The following H2AZ2 variants were observed in gnomAD, a reference collection of about 807,000 sequenced individuals.
The protein encoded by H2AZ2 is histone H2A.V.
In H2AZ2, 5 loss-of-function variants were observed where a neutral mutation model predicts 15.5. That is an observed-to-expected ratio of 0.32 (90% CI 0.17 to 0.68). The LOEUF (loss-of-function observed/expected upper bound fraction) is 0.68, where lower values mean the gene tolerates loss of function less well. Among genes scored for constraint, H2AZ2 ranks in the 30% least tolerant of loss-of-function variants. The probability of loss-of-function intolerance (pLI) is 0.72; values close to 1 mark genes in which losing one functional copy is unlikely to be tolerated. For missense variants in H2AZ2, 42 were observed against 162.5 expected, an observed-to-expected ratio of 0.26 and a Z score of 4.03; for synonymous variants, 44 against 57.4, an observed-to-expected ratio of 0.77 and a Z score of 1.05.
downstream of H2AZ2, among the ~76,000 whole-genome samples, chr7:44,831,534 C>A (rs917619542): frequency 6.6e-6 from 1 of 151,772 alleles, no homozygotes; most frequent in Non-Finnish European, 1.5e-5. Context: ...TTGCACTCCC[C>A]CCCCCGCTTC....
At chr7:44,843,170 A>AAAAAAAAAAAAAAAAAAAAC (rs1793316957) in intron 2 of H2AZ2, 107 bp downstream of exon 2, 1 of 271,980 alleles carries the variant, frequency 3.7e-6, no homozygotes, top group East Asian at 5.6e-5. Flanking sequence ...AAAAAAAAAA[A>AAAAAAAAAAAAAAAAAAAAC]AAAAAGTCTG....
Position 44,833,770 on chromosome 7 carries a change from A to G in H2AZ2, c.*731T>C, listed in dbSNP as rs1308115798. ...TTGAATCCTAGCTCTGTCATTTTCT[A>G]TCTACCAGTTCAATGTTTTTTGGCA... is the stretch of plus-strand genomic sequence containing the variant. On this transcript the variant is annotated 3_prime_UTR_variant, in exon 5 of 5. Coordinates refer to ENST00000308153, the MANE Select transcript of H2AZ2 (RefSeq NM_012412.5). 2.8e-5 allele frequency: 24 copies of G among 844,528 alleles called. No individual in the cohort carries two copies. The highest frequency in any genetic ancestry group is 6.2e-5 in the Admixed American group (1 of 16,098). The allele number at this position is 844,528 out of a possible 1,614,324, so 52.3% of individuals were successfully genotyped here.
At chr7:44,845,159 C>A (rs1455871390) in intron 1 of H2AZ2, among the ~76,000 whole-genome samples, 1 of 152,028 alleles carries the variant, frequency 6.6e-6, no homozygotes, top group Non-Finnish European at 1.5e-5. Context: ...CCTCTAATTG[C>A]ACGTCTAAGT....
chr7:44,837,349 G>A (rs903644237), intron 3 of H2AZ2, among the ~76,000 whole-genome samples: 2 of 144,218 alleles, frequency 1.4e-5, no homozygotes, highest in Non-Finnish European at 3.0e-5. Flanking sequence ...GTTGAACCCA[G>A]GAGGTGGAGG....
downstream of H2AZ2, chr7:44,828,148 T>C (rs543486671): frequency 7.9e-5 from 12 of 152,330 alleles, no homozygotes; most frequent in Middle Eastern, 3.4e-3. Flanking sequence ...ACAATACATA[T>C]GGCTGTGTCT....
At chr7:44,844,117 A>G (rs896076472) in intron 1 of H2AZ2, among the ~76,000 whole-genome samples, 8 of 152,086 alleles carry the variant, frequency 5.3e-5, no homozygotes, top group Admixed American at 5.2e-4. Context: ...CTAGGTATAC[A>G]CCTAAAAATT....
In H2AZ2 at chr7:44,832,273, T is replaced by TAC. The variant is rs946187841; in HGVS notation, c.*2226_*2227dup. Among the ~76,000 whole-genome samples the TAC allele has an allele frequency of 2.0e-5, 3 of 152,206 alleles. No homozygotes were observed. The highest frequency in any genetic ancestry group is 7.2e-5 in the African/African-American group (3 of 41,454). ...GCATCAAAAAATGTTTTAGCAGTCT[T>TAC]ACACAATGGTATTGTGGTTATGTTC... On this transcript the variant is annotated 3_prime_UTR_variant, in exon 5 of 5. Transcript: ENST00000308153.
At chr7:44,846,024 T>TACACACAC (rs10573522) in intron 1 of H2AZ2, among the ~76,000 whole-genome samples, 9,342 of 132,238 alleles carry the variant, frequency 0.071, 450 homozygotes, top group Non-Finnish European at 0.1. Flanking sequence ...TTTAAAAAAT[T>TACACACAC]ACACACACAC....
At chr7:44,840,497 G>A (rs551453287) in intron 3 of H2AZ2, among the ~76,000 whole-genome samples, 3 of 152,302 alleles carry the variant, frequency 2.0e-5, no homozygotes, top group Admixed American at 6.5e-5. Context: ...GAGGCCGGAC[G>A]TGGTGGCTCA....
intron 3 of H2AZ2, among the ~76,000 whole-genome samples, chr7:44,839,477 C>T (rs1163870954): frequency 1.3e-5 from 2 of 150,850 alleles, no homozygotes; most frequent in Admixed American, 1.3e-4. Flanking sequence ...GAGATCGAGA[C>T]CATCCTGGCT....
At chr7:44,839,726 A>G (rs1320149450) in intron 3 of H2AZ2, among the ~76,000 whole-genome samples, 1 of 149,500 alleles carries the variant, frequency 6.7e-6, no homozygotes, top group Non-Finnish European at 1.5e-5. Flanking sequence ...ATTAGCACCC[A>G]GCGCAGTGGC....
chr7:44,838,894 T>C (rs1310784514), intron 3 of H2AZ2, among the ~76,000 whole-genome samples: 1 of 152,178 alleles, frequency 6.6e-6, no homozygotes, highest in Non-Finnish European at 1.5e-5. Flanking sequence ...TCCACCAGAA[T>C]GAATGCGTCT....
intron 1 of H2AZ2, among the ~76,000 whole-genome samples, chr7:44,846,062 C>CACACACACACACAGAGAGAGAGAGAG (rs57468916): frequency 4.0e-5 from 3 of 75,056 alleles, no homozygotes; most frequent in Non-Finnish European, 9.5e-5. Flanking sequence ...CACACACACA[C>CACACACACACACAGAGAGAGAGAGAG]AGAGAGAGAC....
chr7:44,833,478 A>C lies in H2AZ2; in HGVS notation c.*1023T>G, dbSNP rs1583710122. 6.6e-6 allele frequency: 1 copy of C among 152,532 alleles called. No homozygotes were observed. The highest frequency in any genetic ancestry group is 1.5e-5 in the Non-Finnish European group (1 of 68,606). 9.4% of individuals were successfully genotyped at this position (152,532 alleles called of 1,614,324 possible). A position where few individuals can be genotyped will look rare whatever the true frequency, so the allele number is the denominator to read the frequency against. ...TCTCGATTTCCTGACCTCGTGATTC[A>C]CCCACCTTGGCCTCCCAAAGTGCTG... On this transcript the variant is annotated 3_prime_UTR_variant, in exon 5 of 5. Transcript: ENST00000308153.
chr7:44,835,717 T>A, intron 3 of H2AZ2, 59 bp from the exon 4 acceptor site: 2 of 1,459,836 alleles, frequency 1.4e-6, no homozygotes, highest in Non-Finnish European at 1.8e-6. Flanking sequence ...AAATGAAGGA[T>A]CACTTAGCAT....
chr7:44,837,338 G>A (rs1000414261), intron 3 of H2AZ2, among the ~76,000 whole-genome samples: 14 of 147,090 alleles, frequency 9.5e-5, no homozygotes, highest in African/African-American at 3.0e-4. Flanking sequence ...CAGGAGAATC[G>A]GTTGAACCCA....
At chr7:44,827,052 A>C (rs1041020828), downstream of H2AZ2, 1 of 152,230 alleles carries the variant, frequency 6.6e-6, no homozygotes, top group African/African-American at 2.4e-5. Flanking sequence ...GACTACCATT[A>C]TTCAAATTTA....
At chr7:44,842,540 A>G (rs953122822) in intron 2 of H2AZ2, among the ~76,000 whole-genome samples, 1 of 152,132 alleles carries the variant, frequency 6.6e-6, no homozygotes, top group Non-Finnish European at 1.5e-5. Flanking sequence ...TCAACCTTAT[A>G]CTGCTTCACC....
chr7:44,837,433 G>GAAAAAAAA (rs71011996), intron 3 of H2AZ2, among the ~76,000 whole-genome samples: 2 of 87,266 alleles, frequency 2.3e-5, no homozygotes, highest in Non-Finnish European at 2.1e-5. Context: ...AAAAAAAAAA[G>GAAAAAAAA]AAAAAAAAAA....
Sources: allele counts gnomAD v4.1 joint callset (sites outside exome capture counted in the v4.1 genomes callset), GRCh38; gene constraint gnomAD v4.1.1; transcripts MANE v1.5; gene names NCBI Gene and HGNC (gene_info 2026-07-23, HGNC 2026-07-21).